The following DMD variants were observed in gnomAD, a reference collection of about 807,000 sequenced individuals.
The protein encoded by DMD is dystrophin, also known as mutant dystrophin.
Under a neutral mutation model 330.1 loss-of-function variants are expected in DMD, and 63 were observed. The ratio of observed to expected loss-of-function variants is 0.19; its 90% CI spans 0.16 to 0.24. The LOEUF (loss-of-function observed/expected upper bound fraction) is 0.24. DMD is among the 10% of genes least tolerant of loss of function. The pLI, the probability that DMD is intolerant of heterozygous loss-of-function variation, is 1.00. For synonymous variants in DMD, 1,223 were observed against 959.8 expected, an observed-to-expected ratio of 1.27 and a Z score of -5.07; for missense variants, 3,344 against 2,684.1, an observed-to-expected ratio of 1.25 and a Z score of -5.43.
intron 17 of DMD, among the ~76,000 whole-genome samples, chrX:32,526,059 C>G (rs779573466): frequency 9.0e-6 from 1 of 111,705 alleles, no homozygotes; most frequent in East Asian, 2.8e-4. Flanking sequence ...CCTTTGGAAT[C>G]AGTCCACTAA....
At chrX:31,647,706 G>A (rs1008312650) in intron 54 of DMD, among the ~76,000 whole-genome samples, 1 of 112,213 alleles carries the variant, frequency 8.9e-6, no homozygotes, top group African/African-American at 3.2e-5. Context: ...TTTAAGCAAC[G>A]TAGGTTATTA....
chrX:31,160,921 C>A (rs113672344), intron 74 of DMD, among the ~76,000 whole-genome samples: 1,157 of 111,601 alleles, frequency 0.01, 13 homozygotes, highest in African/African-American at 0.035. Context: ...CCAATAATCA[C>A]TTCAAGTGTA....
At chrX:31,256,741 CGT>C (rs35842618) in intron 63 of DMD, among the ~76,000 whole-genome samples, 28,001 of 97,290 alleles carry the variant, frequency 0.29, 3,161 homozygotes, top group Non-Finnish European at 0.31. Flanking sequence ...ATATGTGGGG[CGT>C]GTGTGTGTGT....
intron 1 of DMD, among the ~76,000 whole-genome samples, chrX:33,162,847 T>C (rs1043619623): frequency 2.7e-5 from 3 of 111,084 alleles, no homozygotes; most frequent in Non-Finnish European, 3.8e-5. Flanking sequence ...ATTCATATCA[T>C]GTGATTGTGC....
chrX:31,240,237 AAT>A (rs1378340717), intron 63 of DMD, among the ~76,000 whole-genome samples: 2 of 111,833 alleles, frequency 1.8e-5, no homozygotes, highest in Admixed American at 1.9e-4. Flanking sequence ...TGTAAAAGGT[AAT>A]AGCATCAAAG....
chrX:31,353,795 A>T (rs1390107140), intron 60 of DMD, among the ~76,000 whole-genome samples: 1 of 111,952 alleles, frequency 8.9e-6, no homozygotes, highest in African/African-American at 3.2e-5. Context: ...TGAGACTAAA[A>T]GGGGTAAGAG....
intron 44 of DMD, among the ~76,000 whole-genome samples, chrX:32,095,186 T>C (rs940399895): frequency 9.0e-6 from 1 of 111,645 alleles, no homozygotes; most frequent in East Asian, 2.8e-4. Context: ...GGGCCCTGTC[T>C]TTTTGAATCA....
chrX:32,620,560 T>A (rs1316548406), intron 11 of DMD, among the ~76,000 whole-genome samples: 1 of 112,480 alleles, frequency 8.9e-6, no homozygotes. Flanking sequence ...AGACATTTTA[T>A]TTTTATGAGA....
chrX:32,167,893 T>C (rs1456454263), intron 44 of DMD, among the ~76,000 whole-genome samples: 2 of 112,611 alleles, frequency 1.8e-5, no homozygotes, highest in Non-Finnish European at 3.7e-5. Context: ...AATTCAAAAA[T>C]AAATACCACT....
intron 44 of DMD, among the ~76,000 whole-genome samples, chrX:32,143,335 T>TA (rs886214878): frequency 4.4e-4 from 49 of 110,733 alleles, no homozygotes; most frequent in African/African-American, 1.5e-3. Context: ...ACCACTCATT[T>TA]AAAAAAAATC....
intron 60 of DMD, among the ~76,000 whole-genome samples, chrX:31,354,435 T>TA (rs757273139): frequency 8.2e-5 from 9 of 109,916 alleles, no homozygotes; most frequent in Admixed American, 5.9e-4. Flanking sequence ...ATGATGAAAG[T>TA]AAAAAAAAGA....
rs144878492 is a variant in DMD at position 32,645,754 on chromosome X, A to G, written c.961-602T>C. On this transcript the variant is annotated intron_variant, in intron 9 of 78. Transcript: ENST00000357033. ...TTATTTCCAGAAGGCCACGATTTAA[A>G]TAGTAAGACATTATCTTAGAAGAAC... Among the ~76,000 whole-genome samples, 14 of 112,387 alleles carry G rather than the reference A, an allele frequency of 1.2e-4. No homozygotes were observed. In the East Asian group the frequency reaches 2.5e-3, roughly 20 times the overall value.
chrX:32,763,162 T>C (rs2072538333), intron 7 of DMD, among the ~76,000 whole-genome samples: 1 of 111,853 alleles, frequency 8.9e-6, no homozygotes, highest in Non-Finnish European at 1.9e-5. Flanking sequence ...TTGACATCTT[T>C]GTATTAATAG....
At chrX:33,214,050 C>CTT (rs5902060), upstream of DMD, among the ~76,000 whole-genome samples, 34 of 89,082 alleles carry the variant, frequency 3.8e-4, no homozygotes, top group African/African-American at 1.2e-3. Flanking sequence ...TTGAGATTGG[C>CTT]TTTTTTTTTT....
At chrX:33,109,769 C>T (rs886266019) in intron 1 of DMD, among the ~76,000 whole-genome samples, 1 of 110,565 alleles carries the variant, frequency 9.0e-6, no homozygotes, top group South Asian at 3.9e-4. Flanking sequence ...AGATTTAAAA[C>T]GCTAATGCAG....
At chrX:32,190,244 A>G (rs979611062) in intron 44 of DMD, among the ~76,000 whole-genome samples, 4 of 110,613 alleles carry the variant, frequency 3.6e-5, no homozygotes, top group African/African-American at 1.3e-4. Flanking sequence ...CCGTAGATCA[A>G]TTGTCATCTT....
At chrX:32,907,847 C>A (rs919265052) in intron 2 of DMD, among the ~76,000 whole-genome samples, 18 of 112,138 alleles carry the variant, frequency 1.6e-4, no homozygotes, top group African/African-American at 5.8e-4. Flanking sequence ...TTTGAATTTT[C>A]TTACTTATTT....
intron 44 of DMD, among the ~76,000 whole-genome samples, chrX:31,979,003 A>G (rs1352446149): frequency 1.8e-5 from 2 of 112,375 alleles, no homozygotes; most frequent in African/African-American, 6.5e-5. Context: ...CTATAAAATC[A>G]TACTGTACTT....
chrX:31,571,990 G>A (rs2075845585), intron 55 of DMD, among the ~76,000 whole-genome samples: 1 of 111,131 alleles, frequency 9.0e-6, no homozygotes, highest in Non-Finnish European at 1.9e-5. Context: ...TAAAAGAGAT[G>A]CCGGGAGGAG....
Sources: gnomAD v4.1 joint callset for allele counts (sites outside exome capture counted in the v4.1 genomes callset) on GRCh38, gnomAD v4.1.1 for gene constraint, MANE v1.5 for transcripts, NCBI Gene and HGNC (gene_info 2026-07-23, HGNC 2026-07-21) for gene names.